ZNF765: variants seen among roughly 807,000 people sequenced by gnomAD.
The protein encoded by ZNF765 is zinc finger protein 765.
ZNF765 carries 37 observed loss-of-function variants against 44.7 expected under a neutral mutation model. The observed-to-expected ratio is 0.83, with a 90% CI of 0.64 to 1.09. The LOEUF is 1.09. Ranked by LOEUF, ZNF765 falls within the 50% of genes least tolerant of loss-of-function variation. The pLI is 0.00. For missense variants in ZNF765, 594 were observed against 626.1 expected (o/e 0.95, Z 0.55); for synonymous variants, 201 against 213.7 (o/e 0.94, Z 0.52).
rs2085835072 is a variant in ZNF765, at chr19:53,411,647, A to G, written c.*2520A>G. On this transcript the variant is annotated 3_prime_UTR_variant, in exon 4 of 4. Coordinates refer to ENST00000396408, the MANE Select transcript of ZNF765 (RefSeq NM_001040185.3). ...TTGAATCTAAATCACATTGGGTTATATAATCATTTAACAATATTAATTTTT... is the reference window on the plus strand; with the variant it reads ...TTGAATCTAAATCACATTGGGTTATGTAATCATTTAACAATATTAATTTTT... 6.6e-6 allele frequency: 1 copy of G among 152,130 alleles called. No homozygotes were observed. The highest frequency in any genetic ancestry group is 1.5e-5 in the Non-Finnish European group (1 of 67,984). 9.4% of individuals were successfully genotyped at this position (152,130 alleles called of 1,614,324 possible).
intron 3 of ZNF765, among the ~76,000 whole-genome samples, chr19:53,418,609 A>G (rs1044797978): frequency 2.6e-5 from 4 of 152,036 alleles, no homozygotes; most frequent in Non-Finnish European, 5.9e-5. Context: ...TAAGAAGTCC[A>G]GATATGGCCG....
intron 1 of ZNF765, among the ~76,000 whole-genome samples, chr19:53,396,424 A>G (rs950766349): frequency 1.3e-5 from 2 of 151,692 alleles, no homozygotes; most frequent in East Asian, 1.9e-4. Flanking sequence ...CAACAAAGAC[A>G]GAGTGGGGTT....
intron 3 of ZNF765, among the ~76,000 whole-genome samples, chr19:53,403,165 A>G (rs191870402): frequency 1.3e-5 from 2 of 152,046 alleles, no homozygotes; most frequent in East Asian, 1.9e-4. Context: ...GTCTCAAAAA[A>G]AAAAAGAAAA....
downstream of ZNF765, among the ~76,000 whole-genome samples, chr19:53,415,881 C>T (rs969433013): frequency 6.6e-6 from 1 of 152,126 alleles, no homozygotes; most frequent in Admixed American, 6.5e-5. Flanking sequence ...ATCTCTCTGA[C>T]ATATATTTCT....
chr19:53,407,565 T>A (rs529234553), intron 3 of ZNF765, 133 bp from the exon 4 acceptor site: 39 of 576,728 alleles, frequency 6.8e-5, no homozygotes, highest in Middle Eastern at 8.0e-4. Context: ...CTTATGCTTT[T>A]CTGTTCCTAA....
intron 2 of ZNF765, 75 bp from the exon 3 acceptor site, chr19:53,401,990 C>G (rs764204779): frequency 9.9e-6 from 16 of 1,613,790 alleles, no homozygotes; most frequent in Non-Finnish European, 1.4e-5. Flanking sequence ...GCCTTCACCT[C>G]TCTCTTCTTC....
exon 4 of ZNF765, chr19:53,424,426 A>T (rs2085926540): frequency 6.6e-6 from 1 of 152,106 alleles, no homozygotes; most frequent in South Asian, 2.1e-4. Context: ...GTGAACCGAG[A>T]TCGCGCCACA....
chr19:53,416,098 G>T (rs1305669345), downstream of ZNF765, among the ~76,000 whole-genome samples: 1 of 152,072 alleles, frequency 6.6e-6, no homozygotes, highest in Admixed American at 6.6e-5. Flanking sequence ...GGGATTACAG[G>T]CGTGCACCAC....
chr19:53,396,227 G>A lies in ZNF765; in HGVS notation c.-74+1034G>A, dbSNP rs143430711. 6.0e-3 allele frequency among the ~76,000 whole-genome samples: 899 copies of A among 149,690 alleles called. 9 individuals are homozygous for A. Among genetic ancestry groups the A allele is most frequent in the African/African-American group, 0.019 (768 of 40,346 alleles). ...CAGCAGGGAGGACACCTGGGGATCT[G>A]GGGTGCTAGAGAGTGGGGATGAGGG... On this transcript the variant is annotated intron_variant, in intron 1 of 3. Transcript: ENST00000396408.
chr19:53,418,145 G>A (rs1386219855), intron 3 of ZNF765, among the ~76,000 whole-genome samples: 1 of 152,202 alleles, frequency 6.6e-6, no homozygotes, highest in African/African-American at 2.4e-5. Context: ...GCTCACGCCT[G>A]TAATCCCAGC....
exon 4 of ZNF765, chr19:53,426,894 G>C (rs1175235804): frequency 6.6e-6 from 1 of 151,296 alleles, no homozygotes; most frequent in East Asian, 2.0e-4. Context: ...CATCAGAATC[G>C]TTCCCACGGA....
chr19:53,405,284 G>A (rs1225812324), intron 3 of ZNF765, among the ~76,000 whole-genome samples: 1 of 152,100 alleles, frequency 6.6e-6, no homozygotes, highest in East Asian at 1.9e-4. Context: ...CCTGGGAGGT[G>A]GAGGTTGCAG....
chr19:53,420,652 G>A (rs1352988986), intron 3 of ZNF765, among the ~76,000 whole-genome samples: 1 of 152,120 alleles, frequency 6.6e-6, no homozygotes, highest in African/African-American at 2.4e-5. Context: ...CTGTTAATCT[G>A]TAACCCTAGC....
chr19:53,402,332 C>A, intron 3 of ZNF765, 141 bp downstream of exon 3: 1 of 1,420,402 alleles, frequency 7.0e-7, no homozygotes. Context: ...TCTCGGCTCA[C>A]GGCCAGCTCC....
chr19:53,398,506 G>A (rs771367128), intron 2 of ZNF765, among the ~76,000 whole-genome samples: 1 of 152,136 alleles, frequency 6.6e-6, no homozygotes, highest in Non-Finnish European at 1.5e-5. Flanking sequence ...GTGAGTTACT[G>A]TGTTTCTGAC....
At chr19:53,423,283 T>A (rs1454504080) in exon 4 of ZNF765, 1 of 668,380 alleles carries the variant, frequency 1.5e-6, no homozygotes, top group Non-Finnish European at 2.7e-6. Flanking sequence ...ACAAAAGATC[T>A]GGGATACTGT....
In ZNF765 at chr19:53,409,801, C is replaced by G; in HGVS notation, c.*674C>G. 3 of 758,160 alleles carry G rather than the reference C, an allele frequency of 4.0e-6. No homozygotes were observed. In the South Asian group the frequency reaches 4.1e-5, roughly 10 times the overall value. The allele number at this position is 758,160 out of a possible 1,614,324, so 47.0% of individuals were successfully genotyped here. ...TACCTTAAAAGTGTAGTGAGTGTGG[C>G]AAGACCTTTAGTCTGAAGTCATACC... On this transcript the variant is annotated 3_prime_UTR_variant, in exon 4 of 4. Coordinates refer to ENST00000396408, the MANE Select transcript of ZNF765 (RefSeq NM_001040185.3).
At chr19:53,416,328 C>T (rs574320335), downstream of ZNF765, among the ~76,000 whole-genome samples, 13 of 152,246 alleles carry the variant, frequency 8.5e-5, no homozygotes, top group East Asian at 1.4e-3. Flanking sequence ...ATCGCTTGAA[C>T]GCAAGAGGCA....
At chr19:53,405,650 G>A (rs530277817) in intron 3 of ZNF765, among the ~76,000 whole-genome samples, 376 of 149,536 alleles carry the variant, frequency 2.5e-3, no homozygotes, top group African/African-American at 8.7e-3. Context: ...TCCTATTCAC[G>A]AGTAGTCAAC....
Sources: gnomAD v4.1 joint callset for allele counts (sites outside exome capture counted in the v4.1 genomes callset) on GRCh38, gnomAD v4.1.1 for gene constraint, MANE v1.5 for transcripts, NCBI Gene and HGNC (gene_info 2026-07-23, HGNC 2026-07-21) for gene names.